The following FOXP1 variants were observed in gnomAD, a reference collection of about 807,000 sequenced individuals.
FOXP1 encodes forkhead box P1, also known as forkhead box protein P1.
In FOXP1, 15 loss-of-function variants were observed where a neutral mutation model predicts 98.2. The observed-to-expected ratio is 0.15, with a 90% CI of 0.10 to 0.24. The LOEUF (loss-of-function observed/expected upper bound fraction) is 0.24. Among genes scored for constraint, FOXP1 ranks in the 10% least tolerant of loss-of-function variants. FOXP1 has a pLI of 1.00. For synonymous variants in FOXP1, 371 were observed against 314.5 expected (o/e 1.18, Z -1.90); for missense variants, 633 against 848.5 (o/e 0.75, Z 3.15).
At chr3:71,228,235 T>C (rs898951750) in intron 5 of FOXP1, among the ~76,000 whole-genome samples, 6 of 152,160 alleles carry the variant, frequency 3.9e-5, no homozygotes, top group African/African-American at 1.2e-4. Flanking sequence ...GACAAGAGAT[T>C]TGGTACCTAA....
At chr3:71,150,904 G>T (rs1010954011) in intron 6 of FOXP1, among the ~76,000 whole-genome samples, 12 of 152,120 alleles carry the variant, frequency 7.9e-5, no homozygotes, top group African/African-American at 2.9e-4. Flanking sequence ...TGTGAAGCCA[G>T]TTGCCATGTC....
intron 3 of FOXP1, among the ~76,000 whole-genome samples, chr3:71,470,786 A>G (rs146063634): frequency 1.2e-4 from 18 of 152,366 alleles, no homozygotes; most frequent in Non-Finnish European, 2.5e-4. Flanking sequence ...TATTGCAGAG[A>G]GAAATACTGC....
At chr3:71,314,256 C>A (rs768857634) in intron 4 of FOXP1, among the ~76,000 whole-genome samples, 4 of 152,138 alleles carry the variant, frequency 2.6e-5, no homozygotes, top group Non-Finnish European at 5.9e-5. Context: ...GCTGGCCAGG[C>A]ATGGTGGCAC....
chr3:71,090,105 T>C (rs2055631277), intron 7 of FOXP1, among the ~76,000 whole-genome samples: 1 of 152,212 alleles, frequency 6.6e-6, no homozygotes, highest in Non-Finnish European at 1.5e-5. Flanking sequence ...GTTGTGTGCA[T>C]AAACAAAACA....
chr3:71,046,384 T>C (rs545381505), intron 10 of FOXP1, among the ~76,000 whole-genome samples: 1 of 151,876 alleles, frequency 6.6e-6, no homozygotes, highest in Non-Finnish European at 1.5e-5. Flanking sequence ...AGAACTAATT[T>C]GCTCAAAAAT....
At chr3:71,535,004 C>G (rs1266367691) in intron 2 of FOXP1, among the ~76,000 whole-genome samples, 1 of 152,136 alleles carries the variant, frequency 6.6e-6, no homozygotes, top group Non-Finnish European at 1.5e-5. Context: ...AGTGAAATCA[C>G]AATGTACTCA....
chr3:70,970,659 G>T (rs1013378456), intron 19 of FOXP1, 77 bp downstream of exon 19: 6 of 1,153,072 alleles, frequency 5.2e-6, no homozygotes, highest in Non-Finnish European at 7.9e-6. Context: ...TCTAATTAGA[G>T]CAAGGCTAAT....
intron 3 of FOXP1, among the ~76,000 whole-genome samples, chr3:71,367,176 G>A (rs147754744): frequency 9.9e-5 from 15 of 152,282 alleles, no homozygotes; most frequent in Admixed American, 8.5e-4. Context: ...TGTGCAGAAG[G>A]AGGGAGGAGA....
chr3:71,321,031 CAA>C (rs1560301507), intron 4 of FOXP1, among the ~76,000 whole-genome samples: 1 of 149,482 alleles, frequency 6.7e-6, no homozygotes, highest in South Asian at 2.1e-4. Flanking sequence ...AGAATTTAAT[CAA>C]GTCGACTTCT....
chr3:71,053,971 T>C lies in FOXP1; in HGVS notation c.283-198A>G, dbSNP rs146372539. Among the ~76,000 whole-genome samples the C allele has an allele frequency of 1.7e-3, 254 of 152,304 alleles. 1 individual carries two copies. Among genetic ancestry groups the C allele is most frequent in the Middle Eastern group, 3.4e-3 (1 of 294 alleles). ...TTATTTTAAAGAAAGAAAAGTAAAA[T>C]CTTGCAGTACTGATGGGGGTTCCAG... On this transcript the variant is annotated intron_variant, in intron 7 of 20. Coordinates refer to ENST00000649528, the MANE Select transcript of FOXP1 (RefSeq NM_001349338.3).
chr3:71,381,869 C>A (rs1395164659), intron 3 of FOXP1, among the ~76,000 whole-genome samples: 2 of 152,210 alleles, frequency 1.3e-5, no homozygotes, highest in Admixed American at 6.5e-5. Context: ...GGAACATCTA[C>A]CAAATTGCCA....
chr3:71,233,011 G>A (rs2066455605), intron 5 of FOXP1, among the ~76,000 whole-genome samples: 1 of 151,484 alleles, frequency 6.6e-6, no homozygotes, highest in Admixed American at 6.6e-5. Context: ...TAAGCTAGGT[G>A]TGATGTGCCT....
At chr3:71,368,656 T>G (rs1294760050) in intron 3 of FOXP1, among the ~76,000 whole-genome samples, 2 of 152,236 alleles carry the variant, frequency 1.3e-5, no homozygotes, top group Non-Finnish European at 2.9e-5. Flanking sequence ...GTCTTCATCC[T>G]GGGTACACAG....
intron 4 of FOXP1, among the ~76,000 whole-genome samples, chr3:71,349,463 C>A (rs917725498): frequency 2.0e-5 from 3 of 152,034 alleles, no homozygotes; most frequent in African/African-American, 7.2e-5. Context: ...CCTAATTAAC[C>A]AAGTCATCAT....
chr3:71,164,560 A>G (rs2061314722), intron 6 of FOXP1, among the ~76,000 whole-genome samples: 1 of 152,234 alleles, frequency 6.6e-6, no homozygotes. Flanking sequence ...ACACATTGCT[A>G]GAAACAGTGA....
rs371969799 is a variant in FOXP1, at chr3:71,269,098, G to GTTT, written c.-12+30719_-12+30721dup. Among the ~76,000 whole-genome samples, 1,337 of 136,714 alleles carry GTTT rather than the reference G, an allele frequency of 9.8e-3. 14 individuals are homozygous for GTTT. The highest frequency in any genetic ancestry group is 0.03 in the African/African-American group (1,113 of 37,264). 89.7% of individuals were successfully genotyped at this position (136,714 alleles called of 152,430 possible). A position where few individuals can be genotyped will look rare whatever the true frequency, so the allele number is the denominator to read the frequency against. On this transcript the variant is annotated intron_variant, in intron 5 of 20. Coordinates refer to ENST00000649528, the MANE Select transcript of FOXP1 (RefSeq NM_001349338.3). ...AGCTACTCAGAGTGGGGTTTTTTTT[G>GTTT]TTTTTTTTTTTTTTCATTTAATGGC...
intron 14 of FOXP1, among the ~76,000 whole-genome samples, chr3:70,984,877 G>A (rs1306643675): frequency 5.9e-5 from 9 of 152,176 alleles, no homozygotes; most frequent in Non-Finnish European, 1.0e-4. Context: ...CAAATCTGAT[G>A]AGTCCCACAA....
At chr3:71,303,844 G>T (rs982177835) in intron 4 of FOXP1, among the ~76,000 whole-genome samples, 2 of 152,188 alleles carry the variant, frequency 1.3e-5, no homozygotes, top group East Asian at 3.9e-4. Flanking sequence ...AGGGGAAAAA[G>T]AAAGGAAAAG....
intron 7 of FOXP1, among the ~76,000 whole-genome samples, chr3:71,054,980 A>C (rs184673979): frequency 5.3e-5 from 8 of 152,346 alleles, no homozygotes; most frequent in Non-Finnish European, 4.4e-5. Flanking sequence ...ACTTAAAAAA[A>C]AAAATCCGGC....
Sources: allele counts gnomAD v4.1 joint callset (sites outside exome capture counted in the v4.1 genomes callset), GRCh38; gene constraint gnomAD v4.1.1; transcripts MANE v1.5; gene names NCBI Gene and HGNC (gene_info 2026-07-23, HGNC 2026-07-21).